ASAP1: variants seen among roughly 807,000 people sequenced by gnomAD.
ASAP1 encodes the protein ArfGAP with SH3 domain, ankyrin repeat and PH domain 1.
Under a neutral mutation model 145.2 loss-of-function variants are expected in ASAP1, and 43 were observed. The ratio of observed to expected loss-of-function variants is 0.30; its 90% CI spans 0.23 to 0.38. ASAP1 has a LOEUF of 0.38. Among genes scored for constraint, ASAP1 ranks in the 10% least tolerant of loss-of-function variants. ASAP1 has a pLI of 1.00. For missense variants in ASAP1, 1,018 were observed against 1,355.3 expected (o/e 0.75, Z 3.91); for synonymous variants, 546 against 515.5 (o/e 1.06, Z -0.80).
chr8:130,271,720 C>T (rs1820599022), intron 3 of ASAP1, among the ~76,000 whole-genome samples: 2 of 152,112 alleles, frequency 1.3e-5, no homozygotes, highest in Admixed American at 1.3e-4. Flanking sequence ...GCTTTCATTA[C>T]CAGGATTTCG....
rs1485013609 is a variant in ASAP1 at position 130,160,057 on chromosome 8, G to C, written c.910-93C>G. The C allele has an allele frequency of 3.8e-6, 4 of 1,052,790 alleles. No homozygotes were observed. The African/African-American group carries it at 6.3e-5, about 17-fold the overall frequency. 65.2% of individuals were successfully genotyped at this position (1,052,790 alleles called of 1,614,324 possible). On this transcript the variant is annotated intron_variant, in intron 11 of 29. Transcript: ENST00000518721. The stretch of plus-strand genomic sequence containing the variant: ...CCATTGAGCCTTTGGCACTGGTCTG[G>C]GTCTAAGGGAATTATGGAACTTTAA...
intron 2 of ASAP1, among the ~76,000 whole-genome samples, chr8:130,362,788 T>C (rs1826778590): frequency 6.6e-6 from 1 of 152,250 alleles, no homozygotes; most frequent in South Asian, 2.1e-4. Flanking sequence ...GGTAAATAAA[T>C]AGTATCTAGA....
chr8:130,402,733 T>A (rs1221648756), intron 1 of ASAP1, among the ~76,000 whole-genome samples: 1 of 152,052 alleles, frequency 6.6e-6, no homozygotes, highest in Non-Finnish European at 1.5e-5. Flanking sequence ...CCCCAATTCA[T>A]GTCTACTTTA....
intron 27 of ASAP1, among the ~76,000 whole-genome samples, chr8:130,072,830 C>CGCGCGTGCGCGCGCGCGCG (rs1448184178): frequency 3.1e-5 from 1 of 31,922 alleles, no homozygotes; most frequent in Non-Finnish European, 5.3e-5. Context: ...TGTGTGCGCG[C>CGCGCGTGCGCGCGCGCGCG]GGGGGGGGGC....
At chr8:130,390,994 C>T (rs987394671) in intron 2 of ASAP1, among the ~76,000 whole-genome samples, 1 of 147,708 alleles carries the variant, frequency 6.8e-6, no homozygotes, top group Admixed American at 7.0e-5. Context: ...ATATTCATAG[C>T]AGCATAATTC....
chr8:130,232,515 G>C (rs1250768806), intron 4 of ASAP1, among the ~76,000 whole-genome samples: 1 of 152,010 alleles, frequency 6.6e-6, no homozygotes, highest in Admixed American at 6.6e-5. Context: ...TCACAGAATT[G>C]AGTTTTGTGT....
At chr8:130,277,841 G>A (rs1821005766) in intron 3 of ASAP1, among the ~76,000 whole-genome samples, 1 of 152,124 alleles carries the variant, frequency 6.6e-6, no homozygotes, top group Admixed American at 6.5e-5. Context: ...GCGTTTGTGG[G>A]CCCATCACAT....
chr8:130,333,115 G>A (rs1199592126), intron 3 of ASAP1, among the ~76,000 whole-genome samples: 1 of 151,890 alleles, frequency 6.6e-6, no homozygotes, highest in Non-Finnish European at 1.5e-5. Context: ...ACTCAAGGGG[G>A]AATTACAATT....
At chr8:130,330,683 T>A (rs1824630170) in intron 3 of ASAP1, among the ~76,000 whole-genome samples, 1 of 152,242 alleles carries the variant, frequency 6.6e-6, no homozygotes, top group South Asian at 2.1e-4. Context: ...TTACGATGGA[T>A]CATTGTTTCC....
At chr8:130,391,615 A>G (rs1828288043) in intron 2 of ASAP1, among the ~76,000 whole-genome samples, 1 of 152,204 alleles carries the variant, frequency 6.6e-6, no homozygotes, top group South Asian at 2.1e-4. Context: ...AGGGGACAGG[A>G]GAGGTCAATG....
intron 2 of ASAP1, among the ~76,000 whole-genome samples, chr8:130,379,943 G>T (rs899792292): frequency 1.3e-5 from 2 of 152,172 alleles, no homozygotes; most frequent in African/African-American, 2.4e-5. Flanking sequence ...TCAGGCTCAA[G>T]GTCTAGAGGC....
intron 3 of ASAP1, among the ~76,000 whole-genome samples, chr8:130,284,001 C>A (rs537162770): frequency 6.6e-6 from 1 of 152,180 alleles, no homozygotes; most frequent in Non-Finnish European, 1.5e-5. Context: ...TCCACAAAAA[C>A]CTTGTGGAGG....
rs1289556763 is a variant in ASAP1 at position 130,179,253 on chromosome 8, A to G, written c.746+11T>C. The G allele has an allele frequency of 1.3e-6, 2 of 1,555,524 alleles. No individual in the cohort carries two copies. Among genetic ancestry groups the G allele is most frequent in the East Asian group, 2.3e-5 (1 of 44,306 alleles). The stretch of plus-strand genomic sequence containing the variant: ...TTGGGCTAATAACAATGCTTGCAAT[A>G]TTCTACTCACTTGCACTGTGCATGG... On this transcript the variant is annotated intron_variant, in intron 9 of 29. Transcript: ENST00000518721.
At chr8:130,098,282 T>A (rs1398685255) in intron 24 of ASAP1, among the ~76,000 whole-genome samples, 1 of 152,120 alleles carries the variant, frequency 6.6e-6, no homozygotes, top group East Asian at 1.9e-4. Flanking sequence ...TGGCATCACA[T>A]CCTTTCCGGC....
intron 7 of ASAP1, among the ~76,000 whole-genome samples, chr8:130,185,517 A>G (rs2136204976): frequency 6.6e-6 from 1 of 152,240 alleles, no homozygotes; most frequent in Non-Finnish European, 1.5e-5. Context: ...ACCTGAGGCC[A>G]GGAGTTAGAG....
intron 27 of ASAP1, among the ~76,000 whole-genome samples, chr8:130,070,140 C>A (rs2097439565): frequency 1.3e-5 from 2 of 152,204 alleles, no homozygotes; most frequent in African/African-American, 4.8e-5. Flanking sequence ...GGGTTCACGC[C>A]ATTCTCCTGC....
chr8:130,409,249 G>A (rs1010516922), intron 1 of ASAP1, among the ~76,000 whole-genome samples: 3 of 145,126 alleles, frequency 2.1e-5, no homozygotes, highest in African/African-American at 7.9e-5. Flanking sequence ...GTGACAGAGT[G>A]AGACGGTGTC....
intron 3 of ASAP1, among the ~76,000 whole-genome samples, chr8:130,353,724 G>A (rs1051094965): frequency 1.4e-4 from 21 of 152,124 alleles, no homozygotes; most frequent in African/African-American, 3.4e-4. Flanking sequence ...ACAAAAATTA[G>A]CCAGGCATGG....
rs1305934702 is a variant in ASAP1, at chr8:130,273,381, T to C, written c.187-36387A>G. On this transcript the variant is annotated intron_variant, in intron 3 of 29. Coordinates refer to ENST00000518721, the MANE Select transcript of ASAP1 (RefSeq NM_018482.4). The stretch of plus-strand genomic sequence containing the variant: ...CTCCCAAGGCAGGGTCACGCCTGCT[T>C]CCACTCAAGGTCTGCAGAAGGGGAA... Among the ~76,000 whole-genome samples the C allele has an allele frequency of 2.0e-5, 3 of 152,126 alleles. 1 individual carries two copies. The highest frequency in any genetic ancestry group is 2.0e-4 in the Admixed American group (3 of 15,260).
Sources: allele counts gnomAD v4.1 joint callset (sites outside exome capture counted in the v4.1 genomes callset), GRCh38; gene constraint gnomAD v4.1.1; transcripts MANE v1.5; gene names NCBI Gene and HGNC (gene_info 2026-07-23, HGNC 2026-07-21).